The following STX8 variants were observed in gnomAD, a reference collection of about 807,000 sequenced individuals.
STX8 encodes the protein syntaxin 8, also known as syntaxin-8.
STX8 carries 23 observed loss-of-function variants against 37.5 expected under a neutral mutation model. The observed-to-expected ratio is 0.61, with a 90% confidence interval of 0.44 to 0.87. The LOEUF (loss-of-function observed/expected upper bound fraction) is 0.87, where lower values mean the gene tolerates loss of function less well. Among genes scored for constraint, STX8 ranks in the 40% least tolerant of loss-of-function variants. The probability of loss-of-function intolerance (pLI) is 0.00; values close to 1 mark genes in which losing one functional copy is unlikely to be tolerated. For missense variants in STX8, 313 were observed against 284.7 expected (o/e 1.10, Z -0.71); for synonymous variants, 115 against 99.1 (o/e 1.16, Z -0.95).
intron 7 of STX8, among the ~76,000 whole-genome samples, chr17:9,349,316 C>A (rs373495811): frequency 9.1e-6 from 1 of 109,766 alleles, no homozygotes; most frequent in Non-Finnish European, 1.8e-5. Flanking sequence ...ATTTTCTTTT[C>A]TTTTTTTTTT....
chr17:9,326,437 T>C (rs1343521902), intron 7 of STX8, among the ~76,000 whole-genome samples: 1 of 152,212 alleles, frequency 6.6e-6, no homozygotes, highest in Non-Finnish European at 1.5e-5. Context: ...CCCTGTTTTC[T>C]AGCCTGTTCA....
chr17:9,459,078 T>C (rs1905275623), intron 6 of STX8, among the ~76,000 whole-genome samples: 2 of 151,868 alleles, frequency 1.3e-5, no homozygotes, highest in African/African-American at 4.8e-5. Flanking sequence ...GTGATCCGCC[T>C]GCCTTGGCCT....
chr17:9,496,073 CTCT>C (rs1567586149), intron 5 of STX8, among the ~76,000 whole-genome samples: 12 of 51,094 alleles, frequency 2.3e-4, no homozygotes, highest in South Asian at 8.4e-4. Context: ...CTTTTTCTTT[CTCT>C]TTTTTTTTTT....
At chr17:9,319,228 G>A (rs566490966) in intron 7 of STX8, among the ~76,000 whole-genome samples, 2 of 151,994 alleles carry the variant, frequency 1.3e-5, no homozygotes, top group Admixed American at 6.5e-5. Context: ...GACCGTCCTG[G>A]CTAACACAGT....
chr17:9,455,193 C>A (rs945133967), intron 6 of STX8, among the ~76,000 whole-genome samples: 1 of 151,940 alleles, frequency 6.6e-6, no homozygotes, highest in African/African-American at 2.4e-5. Flanking sequence ...CAGAGCAAGA[C>A]CCTGTCTCTT....
intron 4 of STX8, among the ~76,000 whole-genome samples, chr17:9,521,983 C>T (rs887563299): frequency 2.0e-5 from 3 of 152,050 alleles, no homozygotes; most frequent in Non-Finnish European, 4.4e-5. Context: ...TAAATGAAAA[C>T]CTTGATGAAA....
chr17:9,497,371 T>C (rs540855078), intron 5 of STX8, among the ~76,000 whole-genome samples: 7 of 152,352 alleles, frequency 4.6e-5, no homozygotes, highest in East Asian at 3.9e-4. Flanking sequence ...CATGTGACTA[T>C]AGTTTTCCAA....
At chr17:9,346,515 T>C (rs1450054314) in intron 7 of STX8, among the ~76,000 whole-genome samples, 1 of 152,210 alleles carries the variant, frequency 6.6e-6, no homozygotes, top group East Asian at 1.9e-4. Flanking sequence ...CACAAACCAC[T>C]AACCCTGGTC....
At chr17:9,483,500 C>T (rs946354395) in intron 6 of STX8, among the ~76,000 whole-genome samples, 1 of 152,084 alleles carries the variant, frequency 6.6e-6, no homozygotes, top group Non-Finnish European at 1.5e-5. Flanking sequence ...TTCCAGGGAT[C>T]GGGACTAGGA....
At chr17:9,387,787 T>A (rs977638885) in intron 6 of STX8, among the ~76,000 whole-genome samples, 2 of 152,194 alleles carry the variant, frequency 1.3e-5, no homozygotes, top group Non-Finnish European at 2.9e-5. Context: ...ATAGCCTCTG[T>A]TACTATAAGA....
intron 7 of STX8, among the ~76,000 whole-genome samples, chr17:9,321,041 GAAGA>G (rs970285155): frequency 5.3e-5 from 8 of 151,932 alleles, no homozygotes; most frequent in African/African-American, 1.7e-4. Context: ...AGAAGAGGTA[GAAGA>G]AAGGTGAGAT....
chr17:9,476,359 A>G (rs1481776902), intron 6 of STX8, among the ~76,000 whole-genome samples: 2 of 152,214 alleles, frequency 1.3e-5, no homozygotes, highest in East Asian at 3.8e-4. Context: ...AGTACTACAG[A>G]CTAGGGAGCT....
chr17:9,494,406 A>G (rs1420933176), intron 5 of STX8, among the ~76,000 whole-genome samples: 1 of 151,630 alleles, frequency 6.6e-6, no homozygotes, highest in Non-Finnish European at 1.5e-5. Flanking sequence ...AAGCGGGCAG[A>G]TCACTTAAGC....
intron 4 of STX8, among the ~76,000 whole-genome samples, chr17:9,541,983 G>A (rs946360569): frequency 2.0e-5 from 3 of 150,748 alleles, no homozygotes; most frequent in African/African-American, 7.4e-5. Context: ...GACTCTGCAA[G>A]TACATGGTCT....
chr17:9,348,896 T>G (rs1910614126), intron 7 of STX8, among the ~76,000 whole-genome samples: 1 of 152,210 alleles, frequency 6.6e-6, no homozygotes, highest in Non-Finnish European at 1.5e-5. Flanking sequence ...CCCTTATGCA[T>G]GGAGGACGCG....
At chr17:9,393,167 C>CA (rs1912284693) in intron 6 of STX8, among the ~76,000 whole-genome samples, 1 of 152,066 alleles carries the variant, frequency 6.6e-6, no homozygotes, top group Non-Finnish European at 1.5e-5. Flanking sequence ...GATTTCTCAT[C>CA]AAAAATCAGA....
intron 7 of STX8, among the ~76,000 whole-genome samples, chr17:9,265,050 T>C (rs1359289372): frequency 6.9e-6 from 1 of 144,102 alleles, no homozygotes; most frequent in African/African-American, 2.6e-5. Context: ...GTTCAGGAGG[T>C]AGAGGTTACA....
chr17:9,424,232 G>C (rs575766612), intron 6 of STX8, among the ~76,000 whole-genome samples: 1 of 152,156 alleles, frequency 6.6e-6, no homozygotes, highest in South Asian at 2.1e-4. Context: ...CAGGGTGGCC[G>C]GGCAGCCAGG....
At chr17:9,476,620 T>C (rs944478651) in intron 6 of STX8, among the ~76,000 whole-genome samples, 2 of 151,918 alleles carry the variant, frequency 1.3e-5, no homozygotes, top group African/African-American at 4.8e-5. Flanking sequence ...ACCCAGCTAA[T>C]TTTTATATTT....
Sources: gnomAD v4.1 joint callset for allele counts (sites outside exome capture counted in the v4.1 genomes callset) on GRCh38, gnomAD v4.1.1 for gene constraint, MANE v1.5 for transcripts, NCBI Gene and HGNC (gene_info 2026-07-23, HGNC 2026-07-21) for gene names.